The following ADARB2 variants were observed in gnomAD, a reference collection of about 807,000 sequenced individuals.
The protein encoded by ADARB2 is inactive double-stranded RNA-specific editase B2.
In ADARB2, 25 loss-of-function variants were observed where a neutral mutation model predicts 62.2. The ratio of observed to expected loss-of-function variants is 0.40; its 90% CI spans 0.29 to 0.56. The LOEUF (loss-of-function observed/expected upper bound fraction) is 0.56, where lower values mean the gene tolerates loss of function less well. Among genes scored for constraint, ADARB2 ranks in the 20% least tolerant of loss-of-function variants. ADARB2 has a pLI of 0.43. For missense variants in ADARB2, 1,071 were observed against 1,077.4 expected, an observed-to-expected ratio of 0.99 and a Z score of 0.08; for synonymous variants, 572 against 500.8, an observed-to-expected ratio of 1.14 and a Z score of -1.90.
intron 6 of ADARB2, among the ~76,000 whole-genome samples, chr10:1,232,350 G>C (rs764896373): frequency 1.5e-3 from 234 of 152,268 alleles, no homozygotes; most frequent in South Asian, 1.9e-3. Flanking sequence ...TATGCTGTGT[G>C]TGGTGTGTGT....
Position 1,177,579 on chromosome 10 carries a change from C to G in ADARB2, c.*5614G>C, listed in dbSNP as rs903418943. ...AAATGCTGAAAACTAACGGGGCACA[C>G]TGGGAGAGATTTTTTTTTTTTTACC... On this transcript the variant is annotated 3_prime_UTR_variant, in exon 10 of 10. Coordinates refer to ENST00000381312, the MANE Select transcript of ADARB2 (RefSeq NM_018702.4). 1 of 141,542 alleles carries G rather than the reference C, an allele frequency of 7.1e-6. No homozygotes were observed. Among genetic ancestry groups the G allele is most frequent in the Non-Finnish European group, 1.5e-5 (1 of 65,464 alleles). The allele number at this position is 141,542 out of a possible 1,614,324, so 8.8% of individuals were successfully genotyped here.
intron 1 of ADARB2, among the ~76,000 whole-genome samples, chr10:1,591,116 AAG>A (rs1255571659): frequency 6.6e-6 from 1 of 152,242 alleles, no homozygotes; most frequent in Non-Finnish European, 1.5e-5. Flanking sequence ...GGTTCCTCAG[AAG>A]AGGATTCCTC....
chr10:1,336,967 C>T (rs1330175982), intron 3 of ADARB2, among the ~76,000 whole-genome samples: 2 of 151,832 alleles, frequency 1.3e-5, no homozygotes, highest in Non-Finnish European at 2.9e-5. Flanking sequence ...ATAATGAGTC[C>T]AGATAGCCAA....
At chr10:1,603,163 T>A (rs200377100) in intron 1 of ADARB2, among the ~76,000 whole-genome samples, 2 of 85,612 alleles carry the variant, frequency 2.3e-5, no homozygotes, top group South Asian at 5.3e-4. Context: ...GTACACACAT[T>A]AACACACACA....
chr10:1,310,184 T>C (rs1372655995), intron 3 of ADARB2, among the ~76,000 whole-genome samples: 2 of 152,234 alleles, frequency 1.3e-5, no homozygotes, highest in Non-Finnish European at 2.9e-5. Flanking sequence ...CAGGTGCTGC[T>C]GTCACACTGA....
chr10:1,703,363 G>A (rs774724733), intron 1 of ADARB2, among the ~76,000 whole-genome samples: 1 of 152,312 alleles, frequency 6.6e-6, no homozygotes, highest in African/African-American at 2.4e-5. Context: ...GAGGAGTGGA[G>A]CTCCACCCCG....
chr10:1,414,458 G>T (rs543550896), intron 1 of ADARB2, among the ~76,000 whole-genome samples: 1 of 152,294 alleles, frequency 6.6e-6, no homozygotes, highest in South Asian at 2.1e-4. Flanking sequence ...TCTGGAATGT[G>T]TCTAGACTTG....
intron 4 of ADARB2, among the ~76,000 whole-genome samples, chr10:1,244,962 A>G (rs1830969851): frequency 6.6e-6 from 1 of 152,246 alleles, no homozygotes; most frequent in Non-Finnish European, 1.5e-5. Context: ...GAAATCAGTC[A>G]CAGACGCCTT....
At chr10:1,634,279 A>G (rs371035065) in intron 1 of ADARB2, among the ~76,000 whole-genome samples, 1 of 152,220 alleles carries the variant, frequency 6.6e-6, no homozygotes, top group Non-Finnish European at 1.5e-5. Context: ...TGTATTTTGC[A>G]ATCAGGCCAC....
chr10:1,234,717 C>G (rs1426151788), intron 5 of ADARB2, among the ~76,000 whole-genome samples: 1 of 137,176 alleles, frequency 7.3e-6, no homozygotes, highest in Non-Finnish European at 1.5e-5. Context: ...GCTGGGATTA[C>G]AGGTGCGAGC....
chr10:1,359,698 G>C (rs1277944755), intron 3 of ADARB2, among the ~76,000 whole-genome samples: 1 of 152,176 alleles, frequency 6.6e-6, no homozygotes, highest in Admixed American at 6.5e-5. Flanking sequence ...AGCTGTCCCG[G>C]CAGGACAGAG....
Position 1,513,802 on chromosome 10 carries a change from G to A in ADARB2, c.101-134642C>T, listed in dbSNP as rs537206525. On this transcript the variant is annotated intron_variant, in intron 1 of 9. Transcript: ENST00000381312. ...ATCATGCTGGCTTGAAGTGATAGCCGGTGAATGCTTGTCTATCACCTTTCT... is the reference window on the plus strand; with the variant it reads ...ATCATGCTGGCTTGAAGTGATAGCCAGTGAATGCTTGTCTATCACCTTTCT... Among the ~76,000 whole-genome samples the A allele has an allele frequency of 9.9e-5, 15 of 152,222 alleles. No homozygotes were observed. The South Asian group carries it at 1.7e-3, about 17-fold the overall frequency.
Position 1,716,040 on chromosome 10 carries a change from C to T in ADARB2, c.100+21011G>A, listed in dbSNP as rs143538457. Among the ~76,000 whole-genome samples, 802 of 152,296 alleles carry T rather than the reference C, an allele frequency of 5.3e-3. 5 individuals carry two copies. The highest frequency in any genetic ancestry group is 0.018 in the African/African-American group (752 of 41,560). ...GCCCGCTGAGTCAGTGTGCCCTGCG[C>T]GTTCCATCACGACTCATGCACACCT... On this transcript the variant is annotated intron_variant, in intron 1 of 9. Transcript: ENST00000381312.
chr10:1,442,347 A>G (rs1490878000), intron 1 of ADARB2, among the ~76,000 whole-genome samples: 1 of 152,202 alleles, frequency 6.6e-6, no homozygotes, highest in East Asian at 1.9e-4. Flanking sequence ...CACCCTGTGG[A>G]ATTCATGTCT....
chr10:1,553,352 C>T (rs10794758), intron 1 of ADARB2, among the ~76,000 whole-genome samples: 112,142 of 152,022 alleles, frequency 0.74, 41,818 homozygotes, highest in East Asian at 0.82. Context: ...TGGCACCGGG[C>T]GCCTTCTGGG....
intron 1 of ADARB2, among the ~76,000 whole-genome samples, chr10:1,380,929 G>A (rs973061774): frequency 1.3e-5 from 2 of 152,124 alleles, no homozygotes; most frequent in African/African-American, 4.8e-5. Context: ...ATAAAGTAGG[G>A]CTACCAGCCA....
intron 2 of ADARB2, among the ~76,000 whole-genome samples, chr10:1,376,016 A>C (rs1832426191): frequency 6.6e-6 from 1 of 151,482 alleles, no homozygotes; most frequent in Non-Finnish European, 1.5e-5. Context: ...ATACACGTGA[A>C]CTCACACACC....
At chr10:1,408,826 A>G (rs1588247405) in intron 1 of ADARB2, among the ~76,000 whole-genome samples, 1 of 152,326 alleles carries the variant, frequency 6.6e-6, no homozygotes, top group East Asian at 1.9e-4. Context: ...TGTCTGCACC[A>G]GCACACAGGG....
At chr10:1,463,311 G>A (rs769116906) in intron 1 of ADARB2, among the ~76,000 whole-genome samples, 12 of 152,182 alleles carry the variant, frequency 7.9e-5, no homozygotes, top group Non-Finnish European at 1.0e-4. Flanking sequence ...GAATCCCTGC[G>A]TGTGGCCCTC....
Sources: gnomAD v4.1 joint callset for allele counts (sites outside exome capture counted in the v4.1 genomes callset) on GRCh38, gnomAD v4.1.1 for gene constraint, MANE v1.5 for transcripts, NCBI Gene and HGNC (gene_info 2026-07-23, HGNC 2026-07-21) for gene names.